TRPC4: variants seen among roughly 807,000 people sequenced by gnomAD.
TRPC4 encodes the protein short transient receptor potential channel 4.
A neutral mutation model predicts 99.4 loss-of-function variants in TRPC4; 49 were observed. The ratio of observed to expected loss-of-function variants is 0.49; its 90% CI spans 0.39 to 0.63. The LOEUF is 0.63. Among genes scored for constraint, TRPC4 ranks in the 20% least tolerant of loss-of-function variants. The pLI is 0.00. For synonymous variants in TRPC4, 454 were observed against 425.9 expected (o/e 1.07, Z -0.81); for missense variants, 898 against 1,152.9 (o/e 0.78, Z 3.20).
At chr13:37,738,027 G>A (rs370273087) in intron 3 of TRPC4, among the ~76,000 whole-genome samples, 3 of 152,214 alleles carry the variant, frequency 2.0e-5, no homozygotes, top group East Asian at 1.9e-4. Context: ...AACAGCCATC[G>A]ATAATTCCTT....
At chr13:37,743,540 A>G (rs1955652899) in intron 3 of TRPC4, among the ~76,000 whole-genome samples, 1 of 152,126 alleles carries the variant, frequency 6.6e-6, no homozygotes, top group African/African-American at 2.4e-5. Flanking sequence ...GAGAATATAT[A>G]TTCAATGTTT....
At chr13:37,702,385 T>C (rs936685181) in intron 3 of TRPC4, among the ~76,000 whole-genome samples, 1 of 152,210 alleles carries the variant, frequency 6.6e-6, no homozygotes, top group African/African-American at 2.4e-5. Flanking sequence ...CTAGTAGTTG[T>C]CTAGTATATA....
At chr13:37,799,384 T>C (rs604580) in intron 1 of TRPC4, among the ~76,000 whole-genome samples, 67,173 of 152,024 alleles carry the variant, frequency 0.44, 15,326 homozygotes, top group South Asian at 0.53. Flanking sequence ...TTTCTGTTCC[T>C]TCTACTGCCT....
At chr13:37,703,095 A>G (rs1954153916) in intron 3 of TRPC4, among the ~76,000 whole-genome samples, 2 of 152,166 alleles carry the variant, frequency 1.3e-5, no homozygotes, top group African/African-American at 4.8e-5. Flanking sequence ...TATCTGAGAG[A>G]AAGCATCTGA....
intron 1 of TRPC4, among the ~76,000 whole-genome samples, chr13:37,846,378 T>C (rs1958898793): frequency 6.6e-6 from 1 of 152,078 alleles, no homozygotes; most frequent in Non-Finnish European, 1.5e-5. Flanking sequence ...GCAGCAACAA[T>C]AAATTGCTAA....
Position 37,637,036 on chromosome 13 carries a change from T to G in TRPC4, c.2801A>C (p.Lys934Thr). 6.2e-7 allele frequency: 1 copy of G among 1,613,794 alleles called. No individual in the cohort carries two copies. Among genetic ancestry groups the G allele is most frequent in the Non-Finnish European group, 8.5e-7 (1 of 1,179,784 alleles). ...AGGAACCGTGTCCTCCACCACCACC[T>G]TCTCTGACTTGAATGGACACACTCT... ...GKRVCPFKSE[K>T]VVVEDTVPII... is the part of the protein sequence containing the mutation. Residue 934 changes from lysine to threonine, a missense_variant, in exon 11 of 11, where the codon AAG becomes ACG. This residue lies in a region of TRPC4 where 346 missense variants were observed against 351.4 expected (regional missense o/e 0.98). Transcript: ENST00000379705.
chr13:37,799,428 T>A (rs1400637091), intron 1 of TRPC4, among the ~76,000 whole-genome samples: 41 of 152,200 alleles, frequency 2.7e-4, no homozygotes, highest in Admixed American at 2.7e-3. Flanking sequence ...CCCTCTTGAC[T>A]GTCTACATTT....
chr13:37,797,548 G>C (rs945695921), intron 1 of TRPC4, among the ~76,000 whole-genome samples: 1 of 151,996 alleles, frequency 6.6e-6, no homozygotes, highest in Admixed American at 6.6e-5. Context: ...TATTATAAAA[G>C]GCAATTCTTT....
Position 37,746,162 on chromosome 13 carries a change from A to G in TRPC4, c.672T>C (p.Ser224=), listed in dbSNP as rs371913403. ...CCTTGCTCAGTTCCTGAAGTTCCCA[A>G]CTTAACTGAAAGGCTGTGAGAAAAG... ...EDPFLTAFQL[S]WELQELSKVE... is the part of the protein sequence containing the mutation. The change falls in exon 3 of 11, where the codon AGT becomes AGC. Residue 224 remains serine, a synonymous_variant. Transcript: ENST00000379705. 3 of 1,613,662 alleles carry G rather than the reference A, an allele frequency of 1.9e-6. No individual in the cohort carries two copies. Among genetic ancestry groups the G allele is most frequent in the Non-Finnish European group, 2.5e-6 (3 of 1,179,866 alleles).
At chr13:37,679,281 A>G (rs535229366) in intron 4 of TRPC4, among the ~76,000 whole-genome samples, 13 of 152,270 alleles carry the variant, frequency 8.5e-5, no homozygotes, top group Non-Finnish European at 1.8e-4. Flanking sequence ...AACATTTTAT[A>G]TCTCTGCATT....
chr13:37,761,729 G>T (rs1039729631), intron 2 of TRPC4, among the ~76,000 whole-genome samples: 1 of 151,814 alleles, frequency 6.6e-6, no homozygotes. Flanking sequence ...ATTGTTAGGA[G>T]CAAGACCAGA....
intron 1 of TRPC4, among the ~76,000 whole-genome samples, chr13:37,826,115 C>T: frequency 7.8e-6 from 1 of 127,438 alleles, no homozygotes; most frequent in Non-Finnish European, 1.6e-5. Flanking sequence ...TTTTTGTTTT[C>T]CGTTTGCTTG....
At chr13:37,788,604 C>T (rs1300878547) in intron 1 of TRPC4, among the ~76,000 whole-genome samples, 1 of 151,808 alleles carries the variant, frequency 6.6e-6, no homozygotes, top group East Asian at 1.9e-4. Flanking sequence ...TCAACATGAC[C>T]CTTCTCTCAG....
intron 2 of TRPC4, among the ~76,000 whole-genome samples, chr13:37,779,029 G>A (rs987708083): frequency 1.3e-5 from 2 of 151,958 alleles, no homozygotes; most frequent in Non-Finnish European, 2.9e-5. Context: ...ACCTCTGCAG[G>A]TAGGTCCTAG....
intron 3 of TRPC4, among the ~76,000 whole-genome samples, chr13:37,704,345 A>G (rs1468154341): frequency 6.6e-6 from 1 of 152,196 alleles, no homozygotes; most frequent in Non-Finnish European, 1.5e-5. Context: ...ACTCACTTTA[A>G]ATATGGGCAG....
chr13:37,724,808 A>T, intron 3 of TRPC4, among the ~76,000 whole-genome samples: 1 of 152,222 alleles, frequency 6.6e-6, no homozygotes, highest in South Asian at 2.1e-4. Context: ...TATAGGAAGC[A>T]GTCAATAATC....
chr13:37,665,059 A>C (rs1952593279), intron 5 of TRPC4, among the ~76,000 whole-genome samples: 2 of 152,334 alleles, frequency 1.3e-5, no homozygotes, highest in Admixed American at 1.3e-4. Context: ...ATATAAAAAA[A>C]AAAGTTAAGA....
At chr13:37,771,058 T>G (rs11147671) in intron 2 of TRPC4, among the ~76,000 whole-genome samples, 45,733 of 151,438 alleles carry the variant, frequency 0.3, 8,171 homozygotes, top group Non-Finnish European at 0.42. Flanking sequence ...AAAAGATAGA[T>G]GTGAATACAA....
chr13:37,655,071 A>G lies in TRPC4; in HGVS notation c.1884+17T>C. 2 of 1,461,780 alleles carry G rather than the reference A, an allele frequency of 1.4e-6. No homozygotes were observed. Among genetic ancestry groups the G allele is most frequent in the Non-Finnish European group, 1.8e-6 (2 of 1,096,346 alleles). 90.6% of individuals were successfully genotyped at this position (1,461,780 alleles called of 1,614,324 possible). ...TCTAGAGGAAACATTGAATTAAAAT[A>G]AAGCTGGTCAACTTACAGCAATCAG... On this transcript the variant is annotated intron_variant, in intron 7 of 10. Coordinates refer to ENST00000379705, the MANE Select transcript of TRPC4 (RefSeq NM_016179.4).
Sources: allele counts gnomAD v4.1 joint callset (sites outside exome capture counted in the v4.1 genomes callset), GRCh38; gene constraint gnomAD v4.1.1; regional missense constraint gnomAD v4.1.1; transcripts MANE v1.5; gene names NCBI Gene and HGNC (gene_info 2026-07-23, HGNC 2026-07-21).